Variants in UBTD2 observed in about 807,000 individuals in gnomAD.
The protein encoded by UBTD2 is ubiquitin domain-containing protein 2.
UBTD2 carries 9 observed loss-of-function variants against 19.8 expected under a neutral mutation model. The observed-to-expected ratio is 0.46, with a 90% CI of 0.27 to 0.79. The LOEUF (loss-of-function observed/expected upper bound fraction) is 0.79. UBTD2 is among the 30% of genes least tolerant of loss of function. The probability of loss-of-function intolerance (pLI) is 0.14; values close to 1 mark genes in which losing one functional copy is unlikely to be tolerated. For synonymous variants in UBTD2, 98 were observed against 103.9 expected (o/e 0.94, Z 0.35); for missense variants, 250 against 300.4 (o/e 0.83, Z 1.24).
Position 172,231,894 on chromosome 5 carries a change from C to T in UBTD2, c.307+2228G>A, listed in dbSNP as rs572160049. On this transcript the variant is annotated intron_variant, in intron 2 of 2. Coordinates refer to ENST00000393792, the MANE Select transcript of UBTD2 (RefSeq NM_152277.3). ...TACAAAACTGAAAAAGGTAAATGGA[C>T]TAAGATGATGCCCACCACCTCCCAA... is the stretch of plus-strand genomic sequence containing the variant. Among the ~76,000 whole-genome samples the T allele has an allele frequency of 8.5e-5, 13 of 152,210 alleles. No homozygotes were observed. The South Asian group carries it at 1.9e-3, about 22-fold the overall frequency.
intron 1 of UBTD2, among the ~76,000 whole-genome samples, chr5:172,264,152 C>T (rs929618619): frequency 2.0e-5 from 3 of 151,994 alleles, no homozygotes; most frequent in Non-Finnish European, 4.4e-5. Flanking sequence ...AATTACAGCT[C>T]ACTGCAGCCT....
intron 2 of UBTD2, among the ~76,000 whole-genome samples, chr5:172,220,490 C>T (rs1771629841): frequency 6.6e-6 from 1 of 152,084 alleles, no homozygotes; most frequent in African/African-American, 2.4e-5. Context: ...ACAAAACTAG[C>T]CGAGCGTGGT....
rs3208342 is a variant in UBTD2, at chr5:172,209,671, A to T, written c.*2159T>A. ...AAAATTGAACCTTTTTTTTTTTTTT[A>T]AAAAAAGCACATAAACCCTACATAC... is the stretch of plus-strand genomic sequence containing the variant. On this transcript the variant is annotated 3_prime_UTR_variant, in exon 3 of 3. Coordinates refer to ENST00000393792, the MANE Select transcript of UBTD2 (RefSeq NM_152277.3). 0.32 allele frequency: 47,530 copies of T among 148,300 alleles called. 8,564 individuals are homozygous for T. The highest frequency in any genetic ancestry group is 0.53 in the African/African-American group (20,688 of 39,214). 9.2% of individuals were successfully genotyped at this position (148,300 alleles called of 1,614,324 possible).
chr5:172,280,978 ATC>A (rs1755703743), intron 1 of UBTD2, among the ~76,000 whole-genome samples: 1 of 152,232 alleles, frequency 6.6e-6, no homozygotes. Flanking sequence ...TTTTTTTAAA[ATC>A]TTTTTCTTAC....
At chr5:172,270,488 T>G (rs532896233) in intron 1 of UBTD2, among the ~76,000 whole-genome samples, 128 of 151,406 alleles carry the variant, frequency 8.5e-4, no homozygotes, top group South Asian at 2.7e-3. Flanking sequence ...CCCGAGTAGC[T>G]GGGACTACAG....
chr5:172,244,296 T>TTTGTTTTC (rs1491542206), intron 1 of UBTD2, among the ~76,000 whole-genome samples: 2 of 43,042 alleles, frequency 4.6e-5, no homozygotes, highest in Non-Finnish European at 8.4e-5. Flanking sequence ...TTCCTCCCAG[T>TTTGTTTTC]TTTTTTTTTT....
At chr5:172,217,137 C>T (rs571105238) in intron 2 of UBTD2, among the ~76,000 whole-genome samples, 105 of 151,932 alleles carry the variant, frequency 6.9e-4, no homozygotes, top group Non-Finnish European at 1.2e-3. Context: ...AGAGGCAGGG[C>T]GTGGTGGCTT....
In UBTD2 at chr5:172,277,067, C is replaced by CAAAAAAAAAAA. The variant is rs56277139; in HGVS notation, c.70+6518_70+6528dup. Reference sequence around the variant, plus strand: ...CTGGGTGACAAAGCAGACTCTGTCTCAAAAAAAAAAAAAAAAAAAAAAAAA... The same window carrying CAAAAAAAAAAA: ...CTGGGTGACAAAGCAGACTCTGTCTCAAAAAAAAAAAAAAAAAAAAAAAAAAAAAAAAAAAA... On this transcript the variant is annotated intron_variant, in intron 1 of 2. Coordinates refer to ENST00000393792, the MANE Select transcript of UBTD2 (RefSeq NM_152277.3). Among the ~76,000 whole-genome samples, 3 of 65,098 alleles carry CAAAAAAAAAAA rather than the reference C, an allele frequency of 4.6e-5. 1 individual carries two copies. The highest frequency in any genetic ancestry group is 1.3e-4 in the African/African-American group (2 of 15,776). The allele number at this position is 65,098 out of a possible 152,430, so 42.7% of individuals were successfully genotyped here.
At chr5:172,282,717 T>C (rs562323204) in intron 1 of UBTD2, among the ~76,000 whole-genome samples, 6 of 152,282 alleles carry the variant, frequency 3.9e-5, no homozygotes, top group East Asian at 1.9e-4. Flanking sequence ...TAAATAAAGA[T>C]AGAACTAATT....
chr5:172,255,152 A>G (rs1041215998), intron 1 of UBTD2: 73 of 466,282 alleles, frequency 1.6e-4, no homozygotes, highest in Non-Finnish European at 1.5e-4. Flanking sequence ...GGCATGCTCA[A>G]CCCAGGCGAG....
chr5:172,232,524 G>T (rs965853619), intron 2 of UBTD2, among the ~76,000 whole-genome samples: 2 of 152,072 alleles, frequency 1.3e-5, no homozygotes, highest in African/African-American at 4.8e-5. Flanking sequence ...CAATTAATCA[G>T]AAAACTAATG....
In UBTD2 at chr5:172,212,025, G is replaced by A. The variant is rs1039437030; in HGVS notation, c.510C>T (p.Ser170=). 6.2e-6 allele frequency: 10 copies of A among 1,614,242 alleles called. No individual in the cohort carries two copies. The highest frequency in any genetic ancestry group is 7.6e-6 in the Non-Finnish European group (9 of 1,180,030). Residue 170 remains serine (S), a synonymous_variant, in exon 3 of 3, where the codon AGC becomes AGT. Coordinates refer to ENST00000393792, the MANE Select transcript of UBTD2 (RefSeq NM_152277.3). ...TCTTCATGTGGAATACTGTGTCTGT[G>A]CTGCGAACCACAAGCTTGAGGTCTT... ...TGKDLKLVVR[S]TDTVFHMKRR...
intron 1 of UBTD2, among the ~76,000 whole-genome samples, chr5:172,276,739 G>C (rs936040683): frequency 4.0e-5 from 6 of 151,828 alleles, no homozygotes; most frequent in Non-Finnish European, 5.9e-5. Context: ...AAGGGAAAGG[G>C]GGAGAGAAGG....
At chr5:172,228,125 T>A (rs1385735599) in intron 2 of UBTD2, among the ~76,000 whole-genome samples, 1 of 152,210 alleles carries the variant, frequency 6.6e-6, no homozygotes, top group Admixed American at 6.5e-5. Context: ...TGCTTTTTTC[T>A]CTTTAACAAT....
intron 1 of UBTD2, among the ~76,000 whole-genome samples, chr5:172,240,049 T>C (rs527385323): frequency 5.9e-5 from 9 of 152,350 alleles, no homozygotes; most frequent in Admixed American, 3.3e-4. Flanking sequence ...ATATGCTGAA[T>C]TGTTTTTCTA....
At chr5:172,275,494 C>G (rs542551369) in intron 1 of UBTD2, among the ~76,000 whole-genome samples, 2 of 152,314 alleles carry the variant, frequency 1.3e-5, no homozygotes, top group African/African-American at 4.8e-5. Context: ...CTGCTTCCCT[C>G]TTTCCCAATT....
At chr5:172,239,630 A>C (rs1408372884) in intron 1 of UBTD2, among the ~76,000 whole-genome samples, 1 of 151,974 alleles carries the variant, frequency 6.6e-6, no homozygotes, top group Non-Finnish European at 1.5e-5. Flanking sequence ...CATGTTGGTC[A>C]GGCTGGTCTC....
At chr5:172,212,331 G>A in intron 2 of UBTD2, 104 bp from the exon 3 acceptor site, 1 of 1,236,712 alleles carries the variant, frequency 8.1e-7, no homozygotes. Context: ...TGGCACTGTA[G>A]AGAAAAAACA....
chr5:172,283,214 C>A lies in UBTD2; in HGVS notation c.70+382G>T, dbSNP rs975842974. On this transcript the variant is annotated intron_variant, in intron 1 of 2. Coordinates refer to ENST00000393792, the MANE Select transcript of UBTD2 (RefSeq NM_152277.3). The surrounding 1 kb of genome is among the most constrained non-coding windows in gnomAD (Gnocchi z 4.3). ...GCGGGGCCCGTCGGAGGGAACGCAT[C>A]AAGCTCCCTCCCCCCGCCATCAATT... is the stretch of plus-strand genomic sequence containing the variant. Among the ~76,000 whole-genome samples the A allele has an allele frequency of 1.3e-5, 2 of 152,240 alleles. No individual in the cohort carries two copies. Among genetic ancestry groups the A allele is most frequent in the East Asian group, 3.9e-4 (2 of 5,172 alleles).
Sources: allele counts gnomAD v4.1 joint callset (sites outside exome capture counted in the v4.1 genomes callset), GRCh38; gene constraint gnomAD v4.1.1; non-coding constraint Gnocchi (gnomAD v3.1); transcripts MANE v1.5; gene names NCBI Gene and HGNC (gene_info 2026-07-23, HGNC 2026-07-21).